The following INTS1 variants were observed in gnomAD, a reference collection of about 807,000 sequenced individuals.
INTS1 encodes integrator complex subunit 1.
Under a neutral mutation model 241.6 loss-of-function variants are expected in INTS1, and 137 were observed. The observed-to-expected ratio is 0.57, with a 90% confidence interval of 0.49 to 0.65. The LOEUF is 0.65. Ranked by LOEUF, INTS1 falls within the 30% of genes least tolerant of loss-of-function variation. The pLI, the probability that INTS1 is intolerant of heterozygous loss-of-function variation, is 0.00. For synonymous variants in INTS1, 1,692 were observed against 1,337.8 expected (o/e 1.26, Z -5.78); for missense variants, 3,073 against 3,032.2 (o/e 1.01, Z -0.32).
chr7:1,500,502 A>G (rs1409519734), intron 3 of INTS1, 136 bp from the exon 4 acceptor site: 2 of 992,274 alleles, frequency 2.0e-6, no homozygotes, highest in South Asian at 1.8e-5. Context: ...CACCCTCAGC[A>G]AAGTTCCCAC....
In INTS1 at chr7:1,499,406, AT is replaced by A. The variant is rs199884892; in HGVS notation, c.845-47del. On this transcript the variant is annotated intron_variant, in intron 6 of 47. Transcript: ENST00000404767. ...TCCATGCAGCGCCTCCCACCCGCCC[AT>A]CCTCCCACCCCTCCCCTGCCCTGGG... is the stretch of plus-strand genomic sequence containing the variant. The A allele has an allele frequency of 0.012, 3,815 of 324,680 alleles. 60 individuals are homozygous for A. In the African/African-American group the frequency reaches 0.16, roughly 14 times the overall value. The allele number at this position is 324,680 out of a possible 1,614,324, so 20.1% of individuals were successfully genotyped here. A position where few individuals can be genotyped will look rare whatever the true frequency, so the allele number is the denominator to read the frequency against.
In INTS1 at chr7:1,481,030, G is replaced by A. The variant is rs1054615377; in HGVS notation, c.3851-97C>T. The stretch of plus-strand genomic sequence containing the variant: ...AACCAGAGTTGGAGATGCCCCCACC[G>A]TCACCAGCACTTCCCAAGGACTTCA... On this transcript the variant is annotated intron_variant, in intron 28 of 47. Coordinates refer to ENST00000404767, the MANE Select transcript of INTS1 (RefSeq NM_001080453.3). The surrounding 1 kb of genome is among the most constrained non-coding windows in gnomAD (Gnocchi z 6.8). 1.5e-5 allele frequency: 13 copies of A among 876,774 alleles called. No individual in the cohort carries two copies. The highest frequency in any genetic ancestry group is 2.2e-5 in the Non-Finnish European group (12 of 545,338). The allele number at this position is 876,774 out of a possible 1,614,324, so 54.3% of individuals were successfully genotyped here.
At chr7:1,504,190 G>A in intron 1 of INTS1, 133 bp downstream of exon 1, 1 of 535,966 alleles carries the variant, frequency 1.9e-6, no homozygotes, top group African/African-American at 2.0e-5. Context: ...TCAGTCGGGC[G>A]GCAGCAGGCG....
intron 4 of INTS1, 67 bp downstream of exon 4, chr7:1,500,103 G>A (rs1783088472): frequency 4.4e-6 from 7 of 1,587,610 alleles, no homozygotes; most frequent in East Asian, 2.3e-5. Flanking sequence ...GACACTTAAG[G>A]GGGAGGTGAG....
Position 1,470,519 on chromosome 7 carries a change from CG to C in INTS1, c.*57del. 7.4e-7 allele frequency: 1 copy of C among 1,349,990 alleles called. No homozygotes were observed. The highest frequency in any genetic ancestry group is 1.4e-5 in the South Asian group (1 of 73,476). 83.6% of individuals were successfully genotyped at this position (1,349,990 alleles called of 1,614,324 possible). On this transcript the variant is annotated 3_prime_UTR_variant, in exon 48 of 48. Transcript: ENST00000404767. ...CGCCCACGCTTCCTGGGCTTTGCCT[CG>C]AGGATCCCCGGGGACGGGACGGGCC...
chr7:1,482,803 G>C, intron 26 of INTS1, 96 bp from the exon 27 acceptor site: 1 of 1,444,256 alleles, frequency 6.9e-7, no homozygotes. Context: ...CCTCTCCCGA[G>C]AAGGAAACTG....
chr7:1,474,653 A>G, intron 40 of INTS1, 52 bp downstream of exon 40: 1 of 1,515,954 alleles, frequency 6.6e-7, no homozygotes, highest in East Asian at 2.5e-5. Context: ...AGAGCCGCAG[A>G]CCCCCCTGGT....
chr7:1,486,449 G>C (rs1348756157), intron 22 of INTS1, among the ~76,000 whole-genome samples, 176 bp downstream of exon 22: 1 of 151,606 alleles, frequency 6.6e-6, no homozygotes, highest in African/African-American at 2.4e-5. Context: ...ATTTTTAATA[G>C]AGACGGGATT....
chr7:1,498,558 G>T lies in INTS1; in HGVS notation c.1284-5C>A, dbSNP rs777147522. On this transcript the variant is annotated splice_polypyrimidine_tract_variant and splice_region_variant and intron_variant, in intron 9 of 47. Coordinates refer to ENST00000404767, the MANE Select transcript of INTS1 (RefSeq NM_001080453.3). ...TTGTGCGCGCTCAGCAGCTCCCTGGGTGAGGTGAGGGTACAGACCCTGTCC... is the reference window on the plus strand; with the variant it reads ...TTGTGCGCGCTCAGCAGCTCCCTGGTTGAGGTGAGGGTACAGACCCTGTCC... 1 of 1,613,522 alleles carries T rather than the reference G, an allele frequency of 6.2e-7. No individual in the cohort carries two copies. The highest frequency in any genetic ancestry group is 8.5e-7 in the Non-Finnish European group (1 of 1,179,812).
At chr7:1,503,842 C>T in intron 2 of INTS1, 61 bp downstream of exon 2, 1 of 1,142,310 alleles carries the variant, frequency 8.8e-7, no homozygotes, top group Non-Finnish European at 1.3e-6. Flanking sequence ...AGCTGAGATC[C>T]CCAAAGACCC....
chr7:1,473,270 G>C, intron 42 of INTS1, 86 bp from the exon 43 acceptor site: 2 of 921,938 alleles, frequency 2.2e-6, no homozygotes, highest in Non-Finnish European at 3.4e-6. Flanking sequence ...TGGCATGGGA[G>C]CGTGTGGACA....
Position 1,476,427 on chromosome 7 carries a change from A to G in INTS1, c.5180T>C (p.Val1727Ala). 1 of 1,566,058 alleles carries G rather than the reference A, an allele frequency of 6.4e-7. No individual in the cohort carries two copies. The highest frequency in any genetic ancestry group is 8.6e-7 in the Non-Finnish European group (1 of 1,161,532). The change falls in exon 38 of 48, where the codon GTC becomes GCC. Residue 1727 changes from valine to alanine, a missense_variant. By Grantham distance (64) the Val-to-Ala change is moderately conservative. Coordinates refer to ENST00000404767, the MANE Select transcript of INTS1 (RefSeq NM_001080453.3). ...QKRREELVLRVQGPELISLVE... is the reference protein window; with the variant it reads ...QKRREELVLRAQGPELISLVE... ...CAGGCTGATGAGCTCCGGGCCCTGG[A>G]CCCGCAGCACCAGCTCCTCCCGCCG...
Position 1,473,558 on chromosome 7 carries a change from G to T in INTS1, c.5957+8C>A, listed in dbSNP as rs1049099517. ...CCCGAGGCTTCCCTGCAGCCCGTGG[G>T]CACTCACTGGAGCGGGTCGGCGTGC... On this transcript the variant is annotated splice_region_variant and intron_variant, in intron 42 of 47. Coordinates refer to ENST00000404767, the MANE Select transcript of INTS1 (RefSeq NM_001080453.3). 1 of 1,582,548 alleles carries T rather than the reference G, an allele frequency of 6.3e-7. No individual in the cohort carries two copies. The highest frequency in any genetic ancestry group is 8.6e-7 in the Non-Finnish European group (1 of 1,165,034).
In INTS1 at chr7:1,499,302, G is replaced by A. The variant is rs199798521; in HGVS notation, c.903C>T (p.Ile301=). 4.6e-5 allele frequency: 74 copies of A among 1,607,986 alleles called. No homozygotes were observed. Among genetic ancestry groups the A allele is most frequent in the East Asian group, 3.6e-4 (16 of 44,810 alleles). ...GCTCGGGGCTCAGCTTCTCCTCCGCGATCAGCAACTCCGTCTGGCTGTCCT... is the reference window on the plus strand; with the variant it reads ...GCTCGGGGCTCAGCTTCTCCTCCGCAATCAGCAACTCCGTCTGGCTGTCCT... ...EEEDSQTELL[I]AEEKLSPEQE... The change falls in exon 7 of 48, where the codon ATC becomes ATT. Residue 301 remains isoleucine (I), a synonymous_variant. Coordinates refer to ENST00000404767, the MANE Select transcript of INTS1 (RefSeq NM_001080453.3).
At chr7:1,487,527 G>T in intron 19 of INTS1, 78 bp from the exon 20 acceptor site, 1 of 1,501,138 alleles carries the variant, frequency 6.7e-7, no homozygotes, top group Non-Finnish European at 9.0e-7. Context: ...TCCCATCCCT[G>T]CTTCGAGGGG....
rs1014212033 is a variant in INTS1 at position 1,497,125 on chromosome 7, C to G, written c.1602+13G>C. 2.5e-6 allele frequency: 4 copies of G among 1,588,830 alleles called. No individual in the cohort carries two copies. In the African/African-American group the frequency reaches 5.4e-5, roughly 21 times the overall value. ...CAGTGAGGGAAAGGCGCCCCAGCGG[C>G]GAGGGCTGGCACCTTGAACTCCATC... On this transcript the variant is annotated intron_variant, in intron 11 of 47. Transcript: ENST00000404767. The surrounding 1 kb of genome is among the most constrained non-coding windows in gnomAD (Gnocchi z 5.3).
chr7:1,498,938 C>T, intron 8 of INTS1, 37 bp downstream of exon 8: 1 of 1,407,484 alleles, frequency 7.1e-7, no homozygotes, highest in South Asian at 1.2e-5. Flanking sequence ...CTGCCCCCAC[C>T]CCCTGCCCCG....
intron 23 of INTS1, 36 bp from the exon 24 acceptor site, chr7:1,485,238 G>T (rs768183341): frequency 5.0e-6 from 8 of 1,598,258 alleles, no homozygotes; most frequent in African/African-American, 1.3e-5. Context: ...CAACAGGGCA[G>T]GGCTGCGGCC....
intron 13 of INTS1, 78 bp downstream of exon 13, chr7:1,495,355 G>A (rs541031776): frequency 6.6e-7 from 1 of 1,513,332 alleles, no homozygotes; most frequent in Non-Finnish European, 8.9e-7. Flanking sequence ...GGGGTTTGGG[G>A]CAGGGGTTGT....
Sources: gnomAD v4.1 joint callset for allele counts (sites outside exome capture counted in the v4.1 genomes callset) on GRCh38, gnomAD v4.1.1 for gene constraint, Gnocchi (gnomAD v3.1) non-coding constraint, MANE v1.5 for transcripts, NCBI Gene and HGNC (gene_info 2026-07-23, HGNC 2026-07-21) for gene names.